Variants in SORCS2 observed in about 807,000 individuals in gnomAD.
SORCS2 encodes sortilin related VPS10 domain containing receptor 2.
SORCS2 carries 100 observed loss-of-function variants against 141.6 expected under a neutral mutation model. The observed-to-expected ratio is 0.71, with a 90% CI of 0.60 to 0.83. SORCS2 has a LOEUF of 0.83. Among genes scored for constraint, SORCS2 ranks in the 40% least tolerant of loss-of-function variants. The probability of loss-of-function intolerance (pLI) is 0.00; values close to 1 mark genes in which losing one functional copy is unlikely to be tolerated. For synonymous variants in SORCS2, 789 were observed against 676.9 expected, an observed-to-expected ratio of 1.17 and a Z score of -2.57; for missense variants, 1,646 against 1,560.2, an observed-to-expected ratio of 1.05 and a Z score of -0.93.
chr4:7,433,843 G>A, intron 2 of SORCS2: 1 of 1,613,926 alleles, frequency 6.2e-7, no homozygotes, highest in African/African-American at 1.3e-5. Context: ...CTGCACCAAG[G>A]AGGGGCTGTA....
chr4:7,629,840 T>A (rs1370963862), intron 3 of SORCS2, among the ~76,000 whole-genome samples: 1 of 152,046 alleles, frequency 6.6e-6, no homozygotes, highest in Non-Finnish European at 1.5e-5. Context: ...CCAAACCAGT[T>A]CTTCCTACTG....
chr4:7,193,182 C>G lies in SORCS2; in HGVS notation c.480+56C>G. 2 of 1,415,180 alleles carry G rather than the reference C, an allele frequency of 1.4e-6. No individual in the cohort carries two copies. Among genetic ancestry groups the G allele is most frequent in the Non-Finnish European group, 1.8e-6 (2 of 1,087,758 alleles). 87.7% of individuals were successfully genotyped at this position (1,415,180 alleles called of 1,614,324 possible). Reference sequence around the variant, plus strand: ...CCTACCCGGGACACCGCGGGACACCCGGGCGGGACCGCCACGGCCCCCACC... The same window carrying G: ...CCTACCCGGGACACCGCGGGACACCGGGGCGGGACCGCCACGGCCCCCACC... On this transcript the variant is annotated intron_variant, in intron 1 of 26. Transcript: ENST00000507866. This position sits in a 1 kb window ranked among gnomAD's most constrained non-coding sequence, Gnocchi z 4.8.
intron 2 of SORCS2, among the ~76,000 whole-genome samples, chr4:7,528,708 C>T (rs949355992): frequency 6.6e-6 from 1 of 152,188 alleles, no homozygotes; most frequent in Admixed American, 6.5e-5. Flanking sequence ...AGGCGCCGTG[C>T]CTGGCCTGGA....
Position 7,555,171 on chromosome 4 carries a change from G to A in SORCS2, c.648+23542G>A, listed in dbSNP as rs546461595. Among the ~76,000 whole-genome samples the A allele has an allele frequency of 2.0e-5, 3 of 152,350 alleles. No individual in the cohort carries two copies. The East Asian group carries it at 5.8e-4, about 29-fold the overall frequency. ...GTAAACACTCCCTCTATGTGAAAGT[G>A]ATGGTAATTGCATGAGATGGACCAT... is the stretch of plus-strand genomic sequence containing the variant. On this transcript the variant is annotated intron_variant, in intron 3 of 26. Transcript: ENST00000507866.
chr4:7,642,938 C>T (rs893150689), intron 4 of SORCS2, among the ~76,000 whole-genome samples: 1 of 152,196 alleles, frequency 6.6e-6, no homozygotes, highest in Admixed American at 6.5e-5. Flanking sequence ...CACACAGCAT[C>T]GGCCAAAGCA....
At chr4:7,538,980 T>C (rs146969643) in intron 3 of SORCS2, among the ~76,000 whole-genome samples, 2 of 152,322 alleles carry the variant, frequency 1.3e-5, no homozygotes, top group African/African-American at 4.8e-5. Flanking sequence ...TGTTCTCTAA[T>C]CTCTACAGCA....
intron 3 of SORCS2, among the ~76,000 whole-genome samples, chr4:7,628,293 C>T (rs1255039057): frequency 2.0e-5 from 3 of 152,062 alleles, no homozygotes; most frequent in East Asian, 1.9e-4. Flanking sequence ...GAGGCCGAGG[C>T]GGGCGGATCA....
intron 1 of SORCS2, among the ~76,000 whole-genome samples, chr4:7,304,455 A>T (rs1717647728): frequency 6.6e-6 from 1 of 152,176 alleles, no homozygotes; most frequent in Admixed American, 6.5e-5. Flanking sequence ...GAAGAGGCGG[A>T]TGCGGGTGGG....
chr4:7,253,763 G>A (rs1257402586), intron 1 of SORCS2, among the ~76,000 whole-genome samples: 1 of 152,222 alleles, frequency 6.6e-6, no homozygotes, highest in Non-Finnish European at 1.5e-5. Context: ...TGGGCAGGAG[G>A]CCCCTGCCTT....
intron 2 of SORCS2, among the ~76,000 whole-genome samples, chr4:7,505,605 G>C (rs1732229250): frequency 1.3e-5 from 2 of 151,732 alleles, no homozygotes; most frequent in African/African-American, 4.9e-5. Context: ...TCTGGAGACA[G>C]AGAAGTCACA....
chr4:7,368,597 A>G (rs556206316), intron 1 of SORCS2, among the ~76,000 whole-genome samples: 1 of 152,188 alleles, frequency 6.6e-6, no homozygotes, highest in African/African-American at 2.4e-5. Context: ...CCCAGGTGTA[A>G]CTCCTAGAGA....
intron 1 of SORCS2, among the ~76,000 whole-genome samples, chr4:7,310,190 G>A (rs1270283793): frequency 6.6e-6 from 1 of 152,176 alleles, no homozygotes; most frequent in Non-Finnish European, 1.5e-5. Context: ...CCCTGGCTGG[G>A]CCTCCGCTGG....
intron 2 of SORCS2, among the ~76,000 whole-genome samples, chr4:7,481,571 C>T (rs181019818): frequency 6.6e-6 from 1 of 152,134 alleles, no homozygotes; most frequent in African/African-American, 2.4e-5. Context: ...CTGAATGTAA[C>T]GTTGACCATT....
At chr4:7,349,577 G>A (rs1255558643) in intron 1 of SORCS2, among the ~76,000 whole-genome samples, 2 of 152,162 alleles carry the variant, frequency 1.3e-5, no homozygotes, top group Admixed American at 1.3e-4. Flanking sequence ...GTCAGGAGAT[G>A]GGCTCCCCTG....
chr4:7,258,086 T>C (rs1175902856), intron 1 of SORCS2, among the ~76,000 whole-genome samples: 1 of 152,242 alleles, frequency 6.6e-6, no homozygotes, highest in African/African-American at 2.4e-5. Flanking sequence ...GCTTCCGCTG[T>C]GTCCCCTGCT....
At chr4:7,327,493 G>A (rs545899673) in intron 1 of SORCS2, among the ~76,000 whole-genome samples, 1 of 152,288 alleles carries the variant, frequency 6.6e-6, no homozygotes, top group Non-Finnish European at 1.5e-5. Context: ...TCCAAGTAAG[G>A]TCACGTTTTG....
chr4:7,431,611 G>C (rs1726864424), intron 2 of SORCS2: 1 of 152,206 alleles, frequency 6.6e-6, no homozygotes, highest in African/African-American at 2.4e-5. Flanking sequence ...AACAACTTCG[G>C]GCCCCTGTGT....
intron 2 of SORCS2, among the ~76,000 whole-genome samples, chr4:7,400,461 CCCACCA>C (rs71173499): frequency 9.9e-5 from 15 of 151,224 alleles, no homozygotes; most frequent in African/African-American, 3.2e-4. Flanking sequence ...TATGGTTTGC[CCCACCA>C]CCACCACCAC....
chr4:7,390,159 T>C (rs1723761877), intron 1 of SORCS2, among the ~76,000 whole-genome samples: 1 of 152,192 alleles, frequency 6.6e-6, no homozygotes, highest in Non-Finnish European at 1.5e-5. Context: ...AGTTCTCCCT[T>C]TTTCAATGGG....
Sources: gnomAD v4.1 joint callset for allele counts (sites outside exome capture counted in the v4.1 genomes callset) on GRCh38, gnomAD v4.1.1 for gene constraint, Gnocchi (gnomAD v3.1) non-coding constraint, MANE v1.5 for transcripts, NCBI Gene and HGNC (gene_info 2026-07-23, HGNC 2026-07-21) for gene names.